Variants in C10orf67 observed in about 807,000 individuals in gnomAD.
C10orf67 encodes chromosome 10 open reading frame 67, also known as uncharacterized protein C10orf67, mitochondrial.
In C10orf67, 60 loss-of-function variants were observed where a neutral mutation model predicts 35.6. The observed-to-expected ratio is 1.68, with a 90% CI of 1.37 to 2.09. The LOEUF is 2.09. Ranked by LOEUF, C10orf67 falls within the 30% of genes most tolerant of loss-of-function variation. C10orf67 has a pLI of 0.00. For synonymous variants in C10orf67, 167 were observed against 115.8 expected, an observed-to-expected ratio of 1.44 and a Z score of -2.84; for missense variants, 474 against 330.2, an observed-to-expected ratio of 1.44 and a Z score of -3.38.
At chr10:23,308,097 T>C (rs1243670979) in intron 4 of C10orf67, among the ~76,000 whole-genome samples, 1 of 152,222 alleles carries the variant, frequency 6.6e-6, no homozygotes, top group East Asian at 1.9e-4. Context: ...ACACCTTCAC[T>C]GTCATCCTTT....
intron 2 of C10orf67, among the ~76,000 whole-genome samples, chr10:23,325,665 A>G (rs542609126): frequency 2.1e-5 from 3 of 139,746 alleles, no homozygotes; most frequent in African/African-American, 8.3e-5. Context: ...AATCCAAATT[A>G]CTTGGATTAT....
At chr10:23,344,036 C>G (rs541095910) in intron 1 of C10orf67, 22 of 380,044 alleles carry the variant, frequency 5.8e-5, no homozygotes, top group Non-Finnish European at 9.6e-5. Context: ...CGGAGCCGCT[C>G]GCTCTCCTGA....
At chr10:23,302,629 G>T (rs1255689356) in intron 5 of C10orf67, among the ~76,000 whole-genome samples, 1 of 152,202 alleles carries the variant, frequency 6.6e-6, no homozygotes. Context: ...GACCATGGTT[G>T]GGCCTGGGAC....
chr10:23,220,032 T>C (rs1841536873), intron 15 of C10orf67, among the ~76,000 whole-genome samples: 1 of 151,962 alleles, frequency 6.6e-6, no homozygotes, highest in African/African-American at 2.4e-5. Flanking sequence ...ATTAGCTTGA[T>C]GTGGTGGTGT....
intron 15 of C10orf67, among the ~76,000 whole-genome samples, chr10:23,214,380 A>G (rs1473571921): frequency 6.6e-6 from 1 of 152,188 alleles, no homozygotes; most frequent in Non-Finnish European, 1.5e-5. Flanking sequence ...AATCTGAACG[A>G]AGCATATTTA....
At chr10:23,321,586 A>G (rs1169346289) in intron 3 of C10orf67, among the ~76,000 whole-genome samples, 1 of 152,206 alleles carries the variant, frequency 6.6e-6, no homozygotes, top group Non-Finnish European at 1.5e-5. Context: ...TCTGACCTTA[A>G]GCAAGTTACT....
chr10:23,321,812 G>T (rs775731293), intron 3 of C10orf67, among the ~76,000 whole-genome samples: 1 of 151,810 alleles, frequency 6.6e-6, no homozygotes, highest in African/African-American at 2.4e-5. Flanking sequence ...CTGAGACGGG[G>T]GTCTCGACTT....
chr10:23,250,562 A>G, intron 11 of C10orf67, 42 bp from the exon 12 acceptor site: 1 of 398,666 alleles, frequency 2.5e-6, no homozygotes, highest in Non-Finnish European at 4.4e-6. Flanking sequence ...TATTAGTTAC[A>G]AATGAACATT....
At position 23,308,959 on chromosome 10, in the gene C10orf67, A is replaced by G. The variant is rs942388557; in HGVS notation, c.547-5500T>C. Among the ~76,000 whole-genome samples, 20 of 151,740 alleles carry G rather than the reference A, an allele frequency of 1.3e-4. 1 individual carries two copies. The highest frequency in any genetic ancestry group is 4.4e-5 in the Non-Finnish European group (3 of 67,944). On this transcript the variant is annotated intron_variant, in intron 4 of 15. Coordinates refer to ENST00000636213, the MANE Select transcript of C10orf67 (RefSeq NM_001371909.1). ...TCCCACCCACCCACCTTCCACCCCTATGTCCTTTCTCTATCCTGTGAACAC... is the reference window on the plus strand; with the variant it reads ...TCCCACCCACCCACCTTCCACCCCTGTGTCCTTTCTCTATCCTGTGAACAC...
intron 13 of C10orf67, among the ~76,000 whole-genome samples, chr10:23,236,253 GAA>G (rs368833212): frequency 0.13 from 10,094 of 74,922 alleles, 636 homozygotes; most frequent in Non-Finnish European, 0.19. Flanking sequence ...CCTCTCGGGG[GAA>G]AAAAAAAAAA....
chr10:23,322,559 C>T, intron 2 of C10orf67, 22 bp from the exon 3 acceptor site: 1 of 1,525,028 alleles, frequency 6.6e-7, no homozygotes, highest in Non-Finnish European at 9.0e-7. Flanking sequence ...AAATATTATC[C>T]TTAGCGAAGT....
At chr10:23,343,856 C>A (rs1846019742) in intron 1 of C10orf67, 4 of 456,732 alleles carry the variant, frequency 8.8e-6, no homozygotes, top group South Asian at 6.3e-5. Flanking sequence ...AGGGCCGGGG[C>A]GCGAGGGCTC....
At chr10:23,239,276 C>A (rs758380052) in intron 13 of C10orf67, among the ~76,000 whole-genome samples, 22 of 152,098 alleles carry the variant, frequency 1.4e-4, no homozygotes, top group Non-Finnish European at 2.9e-4. Context: ...TAGAATTGGG[C>A]TTTATCTATT....
intron 4 of C10orf67, among the ~76,000 whole-genome samples, chr10:23,311,635 C>T (rs1327710573): frequency 2.6e-5 from 4 of 151,874 alleles, no homozygotes; most frequent in Non-Finnish European, 4.4e-5. Flanking sequence ...GGCTTGAACC[C>T]GGGAGGCAGA....
At chr10:23,280,949 G>GC (rs1231823248) in intron 8 of C10orf67, among the ~76,000 whole-genome samples, 1 of 152,124 alleles carries the variant, frequency 6.6e-6, no homozygotes, top group East Asian at 1.9e-4. Context: ...CCAAAGCAAA[G>GC]CCTGAACTTT....
intron 12 of C10orf67, among the ~76,000 whole-genome samples, chr10:23,248,847 C>T (rs112565639): frequency 2.4e-3 from 368 of 152,062 alleles, no homozygotes; most frequent in Middle Eastern, 0.017. Flanking sequence ...CTTCTGCTTT[C>T]CTAAATATTT....
chr10:23,275,299 A>G (rs1843156325), intron 8 of C10orf67, among the ~76,000 whole-genome samples: 1 of 152,176 alleles, frequency 6.6e-6, no homozygotes, highest in Non-Finnish European at 1.5e-5. Flanking sequence ...AGCTTATGCA[A>G]CCTATCAAGA....
intron 2 of C10orf67, among the ~76,000 whole-genome samples, chr10:23,332,832 C>T (rs1157484593): frequency 6.6e-6 from 1 of 151,956 alleles, no homozygotes; most frequent in African/African-American, 2.4e-5. Flanking sequence ...AAAAGAATTT[C>T]CAACAGAGTA....
At chr10:23,267,282 G>A in intron 8 of C10orf67, 28 bp from the exon 9 acceptor site, 1 of 687,150 alleles carries the variant, frequency 1.5e-6, no homozygotes, top group South Asian at 1.6e-5. Flanking sequence ...CATATCATTG[G>A]TTATTATCTG....
Sources: allele counts gnomAD v4.1 joint callset (sites outside exome capture counted in the v4.1 genomes callset), GRCh38; gene constraint gnomAD v4.1.1; transcripts MANE v1.5; gene names NCBI Gene and HGNC (gene_info 2026-07-23, HGNC 2026-07-21).